The following RYR3 variants were observed in gnomAD, a reference collection of about 807,000 sequenced individuals.
RYR3 encodes ryanodine receptor 3.
In RYR3, 207 loss-of-function variants were observed where a neutral mutation model predicts 584.3. That is an observed-to-expected ratio of 0.35 (90% CI 0.32 to 0.40). The LOEUF (loss-of-function observed/expected upper bound fraction) is 0.40. Among genes scored for constraint, RYR3 ranks in the 10% least tolerant of loss-of-function variants. The pLI is 1.00. For missense variants in RYR3, 5,616 were observed against 6,089.2 expected (o/e 0.92, Z 2.59); for synonymous variants, 2,416 against 2,248.5 (o/e 1.07, Z -2.11).
At chr15:33,612,611 C>G (rs1318158237) in intron 18 of RYR3, among the ~76,000 whole-genome samples, 1 of 152,192 alleles carries the variant, frequency 6.6e-6, no homozygotes, top group East Asian at 1.9e-4. Context: ...CCACCTGCCT[C>G]AGCCTCCGGA....
At chr15:33,684,624 A>G (rs2064860548) in intron 38 of RYR3, among the ~76,000 whole-genome samples, 1 of 152,204 alleles carries the variant, frequency 6.6e-6, no homozygotes, top group African/African-American at 2.4e-5. Context: ...TTCCTCGAGA[A>G]GAGCAACCCC....
chr15:33,752,574 T>A (rs1012444305), intron 57 of RYR3, among the ~76,000 whole-genome samples: 1 of 152,232 alleles, frequency 6.6e-6, no homozygotes, highest in Non-Finnish European at 1.5e-5. Context: ...TTTTGCACAT[T>A]GATTTTGTAT....
intron 45 of RYR3, 51 bp downstream of exon 45, chr15:33,724,227 C>A: frequency 2.0e-6 from 2 of 987,448 alleles, no homozygotes; most frequent in South Asian, 1.4e-5. Flanking sequence ...ATGCCAAGAA[C>A]ACTATAGATT....
At chr15:33,343,178 C>T (rs912628949) in intron 1 of RYR3, among the ~76,000 whole-genome samples, 10 of 152,158 alleles carry the variant, frequency 6.6e-5, no homozygotes, top group East Asian at 3.8e-4. Context: ...TTTACAGCAT[C>T]GTCATGGAAT....
At chr15:33,618,752 G>T (rs1326346081) in intron 19 of RYR3, among the ~76,000 whole-genome samples, 1 of 152,172 alleles carries the variant, frequency 6.6e-6, no homozygotes, top group African/African-American at 2.4e-5. Context: ...TTACACGTTT[G>T]CTAGCAAGCT....
intron 87 of RYR3, among the ~76,000 whole-genome samples, chr15:33,836,231 G>A (rs1340475100): frequency 2.8e-5 from 4 of 144,986 alleles, no homozygotes; most frequent in Admixed American, 7.1e-5. Context: ...TATGTGACTC[G>A]GAATACCTTT....
At position 33,839,622 on chromosome 15, in the gene RYR3, A is replaced by C. The variant is rs183082971; in HGVS notation, c.12978+664A>C. ...CAAGCCCAAAAACATTCATTCATTC[A>C]TTCCATTATTATTTATTGAAAAGTT... On this transcript the variant is annotated intron_variant, in intron 89 of 103. Coordinates refer to ENST00000634891, the MANE Select transcript of RYR3 (RefSeq NM_001036.6). The C allele has an allele frequency of 3.9e-5, 6 of 152,390 alleles. No individual in the cohort carries two copies. In the East Asian group the frequency reaches 5.8e-4, roughly 15 times the overall value. 9.4% of individuals were successfully genotyped at this position (152,390 alleles called of 1,614,324 possible).
chr15:33,797,501 C>T (rs1038350620), intron 67 of RYR3, among the ~76,000 whole-genome samples: 2 of 152,070 alleles, frequency 1.3e-5, no homozygotes, highest in African/African-American at 4.8e-5. Context: ...AGGGGAAAAC[C>T]TTTAATGAGA....
intron 1 of RYR3, among the ~76,000 whole-genome samples, chr15:33,458,924 TG>T (rs1017734440): frequency 3.3e-5 from 5 of 152,232 alleles, no homozygotes; most frequent in African/African-American, 1.2e-4. Flanking sequence ...GTCTTCTTTT[TG>T]TCATATCCAG....
chr15:33,842,376 A>G (rs2078426102), intron 91 of RYR3, among the ~76,000 whole-genome samples: 1 of 152,228 alleles, frequency 6.6e-6, no homozygotes, highest in African/African-American at 2.4e-5. Flanking sequence ...AAAGTTCAGA[A>G]GTGTTTTGAT....
At chr15:33,667,314 G>T (rs2063541140) in intron 36 of RYR3, among the ~76,000 whole-genome samples, 1 of 152,136 alleles carries the variant, frequency 6.6e-6, no homozygotes, top group African/African-American at 2.4e-5. Context: ...TGGGGTCGTG[G>T]CCCTATAGGC....
At chr15:33,854,692 A>G (rs1948529728) in intron 97 of RYR3, 74 bp from the exon 98 acceptor site, 1 of 1,528,354 alleles carries the variant, frequency 6.5e-7, no homozygotes. Context: ...GTCTCCCAAA[A>G]TAAGAAAAAA....
chr15:33,822,868 G>A, intron 80 of RYR3, 128 bp from the exon 81 acceptor site: 1 of 631,866 alleles, frequency 1.6e-6, no homozygotes, highest in Non-Finnish European at 2.7e-6. Context: ...TCTACCCCAT[G>A]GGACTCTGAT....
intron 68 of RYR3, among the ~76,000 whole-genome samples, chr15:33,801,247 C>G (rs12438127): frequency 0.26 from 39,171 of 152,138 alleles, 6,212 homozygotes; most frequent in Admixed American, 0.39. Flanking sequence ...AACCTGGAAT[C>G]AATAGAAACG....
At chr15:33,586,290 C>G (rs2058844652) in intron 16 of RYR3, among the ~76,000 whole-genome samples, 174 bp downstream of exon 16, 1 of 152,320 alleles carries the variant, frequency 6.6e-6, no homozygotes, top group South Asian at 2.1e-4. Flanking sequence ...GCTGGGCAGC[C>G]ACACTGGACT....
Position 33,662,159 on chromosome 15 carries a change from G to T in RYR3, c.4629G>T (p.Val1543=). The T allele has an allele frequency of 6.3e-7, 1 of 1,591,456 alleles. No homozygotes were observed. Among genetic ancestry groups the T allele is most frequent in the South Asian group, 1.2e-5 (1 of 86,464 alleles). ...TTGCTCGTCCTGTCCTCAGGTGTGT[G>T]GATATCCTGGAGCTCTGTGAGCAGG... ...ALHIPEENRC[V]DILELCEQED... Residue 1543 remains valine, a synonymous_variant, in exon 35 of 104, where the codon GTG becomes GTT. Coordinates refer to ENST00000634891, the MANE Select transcript of RYR3 (RefSeq NM_001036.6).
intron 14 of RYR3, among the ~76,000 whole-genome samples, chr15:33,582,003 A>G (rs951047962): frequency 1.3e-5 from 2 of 152,208 alleles, no homozygotes; most frequent in African/African-American, 4.8e-5. Flanking sequence ...AAGAATTGTT[A>G]TTCTTTTAAA....
chr15:33,331,943 A>T (rs1011709470), intron 1 of RYR3, among the ~76,000 whole-genome samples: 3 of 152,034 alleles, frequency 2.0e-5, no homozygotes, highest in African/African-American at 7.2e-5. Flanking sequence ...AGATCCTTTT[A>T]TCATTGTAGG....
intron 57 of RYR3, among the ~76,000 whole-genome samples, chr15:33,750,916 C>G (rs963235910): frequency 1.3e-5 from 2 of 152,134 alleles, no homozygotes; most frequent in African/African-American, 2.4e-5. Context: ...GTTCCCCGCC[C>G]TGTGTCCATG....
Sources: gnomAD v4.1 joint callset for allele counts (sites outside exome capture counted in the v4.1 genomes callset) on GRCh38, gnomAD v4.1.1 for gene constraint, MANE v1.5 for transcripts, NCBI Gene and HGNC (gene_info 2026-07-23, HGNC 2026-07-21) for gene names.